ANKRD18A: variants seen among roughly 807,000 people sequenced by gnomAD.
ANKRD18A encodes ankyrin repeat domain-containing protein 18A.
Under a neutral mutation model 110.6 loss-of-function variants are expected in ANKRD18A, and 72 were observed. That is an observed-to-expected ratio of 0.65 (90% CI 0.54 to 0.79). The LOEUF is 0.79. Among genes scored for constraint, ANKRD18A ranks in the 30% least tolerant of loss-of-function variants. The probability of loss-of-function intolerance (pLI) is 0.00; values close to 1 mark genes in which losing one functional copy is unlikely to be tolerated. For synonymous variants in ANKRD18A, 305 were observed against 410.3 expected (o/e 0.74, Z 3.10); for missense variants, 934 against 1,163.3 (o/e 0.80, Z 2.87).
At chr9:38,599,618 C>T (rs1044365517) in intron 8 of ANKRD18A, among the ~76,000 whole-genome samples, 4 of 152,088 alleles carry the variant, frequency 2.6e-5, no homozygotes, top group African/African-American at 9.7e-5. Context: ...GCATGCACCA[C>T]CACACCCAGC....
chr9:38,607,290 C>T, intron 6 of ANKRD18A, 136 bp downstream of exon 6: 1 of 532,638 alleles, frequency 1.9e-6, no homozygotes, highest in Non-Finnish European at 3.0e-6. Flanking sequence ...ATCCTGACCT[C>T]AGGTGATCCA....
intron 12 of ANKRD18A, among the ~76,000 whole-genome samples, chr9:38,580,225 G>A (rs1824096862): frequency 6.6e-6 from 1 of 152,176 alleles, no homozygotes; most frequent in Non-Finnish European, 1.5e-5. Flanking sequence ...GAACAACATA[G>A]AGAGACATCT....
At chr9:38,566,971 G>A (rs1193252743), downstream of ANKRD18A, 1 of 152,182 alleles carries the variant, frequency 6.6e-6, no homozygotes, top group Non-Finnish European at 1.5e-5. Flanking sequence ...AATTCAACAT[G>A]AGATTTGGTG....
At chr9:38,587,727 A>G (rs34574485) in intron 11 of ANKRD18A, among the ~76,000 whole-genome samples, 45,750 of 152,028 alleles carry the variant, frequency 0.3, 8,600 homozygotes, top group South Asian at 0.45. Context: ...ATCTTCAGAA[A>G]TAAAAATTCA....
chr9:38,615,541 A>C, intron 3 of ANKRD18A, 53 bp downstream of exon 3: 1 of 1,498,466 alleles, frequency 6.7e-7, no homozygotes, highest in Non-Finnish European at 8.9e-7. Context: ...TTGACTCTTA[A>C]CTATGTCAAT....
chr9:38,615,402 C>T (rs901770028), intron 3 of ANKRD18A, among the ~76,000 whole-genome samples, 192 bp downstream of exon 3: 1 of 152,196 alleles, frequency 6.6e-6, no homozygotes, highest in African/African-American at 2.4e-5. Context: ...ACAAATACTT[C>T]CCATACGTGC....
Position 38,595,440 on chromosome 9 carries a change from T to C in ANKRD18A, c.1854+46A>G, listed in dbSNP as rs569167699. 12 of 1,391,064 alleles carry C rather than the reference T, an allele frequency of 8.6e-6. No homozygotes were observed. In the African/African-American group the frequency reaches 1.6e-4, roughly 19 times the overall value. 86.2% of individuals were successfully genotyped at this position (1,391,064 alleles called of 1,614,324 possible). ...GGTTCAACATATAGCCAGAATGAAATATTTAAATTTTCTTTCCAGAAGTTT... is the reference window on the plus strand; with the variant it reads ...GGTTCAACATATAGCCAGAATGAAACATTTAAATTTTCTTTCCAGAAGTTT... On this transcript the variant is annotated intron_variant, in intron 9 of 15. Coordinates refer to ENST00000399703, the MANE Select transcript of ANKRD18A (RefSeq NM_147195.4).
At chr9:38,578,257 A>C (rs1327485112) in intron 12 of ANKRD18A, 109 bp from the exon 13 acceptor site, 1 of 1,070,230 alleles carries the variant, frequency 9.3e-7, no homozygotes, top group Non-Finnish European at 1.3e-6. Flanking sequence ...AATGTTATCT[A>C]TAATGTAGTA....
intron 6 of ANKRD18A, among the ~76,000 whole-genome samples, chr9:38,607,217 C>A (rs1336039109): frequency 6.6e-6 from 1 of 152,052 alleles, no homozygotes; most frequent in Non-Finnish European, 1.5e-5. Flanking sequence ...CCATGATGCC[C>A]AGCTAATTTT....
Position 38,620,590 on chromosome 9 carries a change from A to C in ANKRD18A, c.-305T>G. The stretch of plus-strand genomic sequence containing the variant: ...GAACCTCAGCGCTCCGAACTCTCAG[A>C]CCGAGTGAGTCCCCGCGATGCCAGT... On this transcript the variant is annotated 5_prime_UTR_variant, in exon 1 of 16. Transcript: ENST00000399703. 2.6e-6 allele frequency: 2 copies of C among 771,388 alleles called. No homozygotes were observed. The highest frequency in any genetic ancestry group is 4.9e-4 in the Middle Eastern group (1 of 2,046). 47.8% of individuals were successfully genotyped at this position (771,388 alleles called of 1,614,324 possible).
At chr9:38,605,210 T>C (rs901081954) in intron 6 of ANKRD18A, among the ~76,000 whole-genome samples, 21 of 152,240 alleles carry the variant, frequency 1.4e-4, no homozygotes, top group African/African-American at 4.8e-4. Flanking sequence ...CTGTATTTTT[T>C]AAATGTATTT....
Position 38,595,950 on chromosome 9 carries a change from G to A in ANKRD18A, c.1390C>T (p.Gln464Ter), listed in dbSNP as rs1449946604. 2.6e-6 allele frequency: 4 copies of A among 1,550,408 alleles called. No homozygotes were observed. The highest frequency in any genetic ancestry group is 3.5e-6 in the Non-Finnish European group (4 of 1,146,490). Residue 464 changes from glutamine (Q) to a stop codon, truncating the protein, a stop_gained, in exon 9 of 16, where the codon CAA (glutamine) becomes TAA (stop). Coordinates refer to ENST00000399703, the MANE Select transcript of ANKRD18A (RefSeq NM_147195.4). LOFTEE classifies it high-confidence loss of function. ...RHEKMGSNIS[Q>*]LTDKNELLTE... ...AGCAACTCATTCTTATCTGTTAGTTGAGAAATATTAGAACCCATTTTTTCA... is the reference window on the plus strand; with the variant it reads ...AGCAACTCATTCTTATCTGTTAGTTAAGAAATATTAGAACCCATTTTTTCA...
chr9:38,609,481 G>A (rs1467003670), intron 5 of ANKRD18A, among the ~76,000 whole-genome samples: 4 of 151,364 alleles, frequency 2.6e-5, no homozygotes, highest in Admixed American at 6.6e-5. Flanking sequence ...ACTCCGTCTC[G>A]AAAAAAACAA....
intron 1 of ANKRD18A, among the ~76,000 whole-genome samples, chr9:38,618,863 T>C (rs1054891780): frequency 1.2e-4 from 18 of 147,832 alleles, no homozygotes; most frequent in African/African-American, 4.2e-4. Context: ...TGTATATATA[T>C]AACTGATATA....
chr9:38,602,570 A>G lies in ANKRD18A; in HGVS notation c.862+589T>C, dbSNP rs1424420888. On this transcript the variant is annotated intron_variant, in intron 7 of 15. Coordinates refer to ENST00000399703, the MANE Select transcript of ANKRD18A (RefSeq NM_147195.4). ...TCTGAAAGCCTTATATAAACCAACTATTATTGTCATTTCTTAAATTTTTTA... is the reference window on the plus strand; with the variant it reads ...TCTGAAAGCCTTATATAAACCAACTGTTATTGTCATTTCTTAAATTTTTTA... Among the ~76,000 whole-genome samples the G allele has an allele frequency of 2.0e-5, 3 of 152,212 alleles. No individual in the cohort carries two copies. In the East Asian group the frequency reaches 5.8e-4, roughly 29 times the overall value.
chr9:38,594,874 CT>C (rs1251221812), intron 9 of ANKRD18A, among the ~76,000 whole-genome samples: 1 of 152,138 alleles, frequency 6.6e-6, no homozygotes, highest in African/African-American at 2.4e-5. Flanking sequence ...CTTCATTATG[CT>C]CTTAAAATGC....
At position 38,618,339 on chromosome 9, in the gene ANKRD18A, T is replaced by C. The variant is rs1336439151; in HGVS notation, c.206+1741A>G. Among the ~76,000 whole-genome samples the C allele has an allele frequency of 2.6e-5, 4 of 152,224 alleles. No homozygotes were observed. In the East Asian group the frequency reaches 7.7e-4, roughly 29 times the overall value. On this transcript the variant is annotated intron_variant, in intron 1 of 15. Coordinates refer to ENST00000399703, the MANE Select transcript of ANKRD18A (RefSeq NM_147195.4). ...AGTATTGCCTAACACCAGACCATAG[T>C]ATGTTTGTGTGTATGTGCAAGCAAA...
intron 11 of ANKRD18A, among the ~76,000 whole-genome samples, chr9:38,586,554 G>T (rs180779943): frequency 0.036 from 5,272 of 148,232 alleles, 129 homozygotes; most frequent in African/African-American, 0.062. Flanking sequence ...ACAGTTTTTG[G>T]TTTTTTTTTT....
intron 5 of ANKRD18A, among the ~76,000 whole-genome samples, chr9:38,609,788 G>A (rs981254990): frequency 1.3e-5 from 2 of 152,000 alleles, no homozygotes; most frequent in Non-Finnish European, 2.9e-5. Context: ...AGCCCTAGGG[G>A]ATAATACAAG....
Sources: gnomAD v4.1 joint callset for allele counts (sites outside exome capture counted in the v4.1 genomes callset) on GRCh38, gnomAD v4.1.1 for gene constraint, MANE v1.5 for transcripts, NCBI Gene and HGNC (gene_info 2026-07-23, HGNC 2026-07-21) for gene names.